PPM1A: variants seen among roughly 807,000 people sequenced by gnomAD.
PPM1A encodes protein phosphatase, Mg2+/Mn2+ dependent 1A.
Under a neutral mutation model 35.0 loss-of-function variants are expected in PPM1A, and 7 were observed. The ratio of observed to expected loss-of-function variants is 0.20; its 90% confidence interval spans 0.11 to 0.38. PPM1A has a LOEUF of 0.38. Among genes scored for constraint, PPM1A ranks in the 10% least tolerant of loss-of-function variants. The pLI, the probability that PPM1A is intolerant of heterozygous loss-of-function variation, is 1.00. For synonymous variants in PPM1A, 153 were observed against 167.3 expected (o/e 0.91, Z 0.66); for missense variants, 239 against 467.8 (o/e 0.51, Z 4.51).
chr14:60,284,722 C>CATATAT (rs752315572), intron 2 of PPM1A, among the ~76,000 whole-genome samples: 1 of 112,428 alleles, frequency 8.9e-6, no homozygotes, highest in Non-Finnish European at 1.9e-5. Context: ...TATATATATA[C>CATATAT]ATATATATAT....
At chr14:60,269,969 A>G (rs924205922) in intron 1 of PPM1A, among the ~76,000 whole-genome samples, 1 of 152,252 alleles carries the variant, frequency 6.6e-6, no homozygotes, top group Admixed American at 6.5e-5. Context: ...TTCAATCACC[A>G]AGTTCAGTCT....
At position 60,282,766 on chromosome 14, in the gene PPM1A, G is replaced by A. The variant is rs1029278100; in HGVS notation, c.63G>A (p.Gly21=). 11 of 1,614,134 alleles carry A rather than the reference G, an allele frequency of 6.8e-6. No homozygotes were observed. Among genetic ancestry groups the A allele is most frequent in the African/African-American group, 1.3e-5 (1 of 74,940 alleles). Residue 21 remains glycine (G), a synonymous_variant, in exon 2 of 6, where the codon GGG becomes GGA. Coordinates refer to ENST00000395076, the MANE Select transcript of PPM1A (RefSeq NM_021003.5). The surrounding 1 kb of genome is among the most constrained non-coding windows in gnomAD (Gnocchi z 5.1). ...ATAATGCCCAGGGGCAGGGTAATGGGTTGCGATATGGGCTAAGCAGCATGC... is the reference window on the plus strand; with the variant it reads ...ATAATGCCCAGGGGCAGGGTAATGGATTGCGATATGGGCTAAGCAGCATGC... ...EKHNAQGQGN[G]LRYGLSSMQG...
upstream of PPM1A, among the ~76,000 whole-genome samples, chr14:60,247,020 G>A (rs901311145): frequency 4.6e-5 from 7 of 152,194 alleles, no homozygotes; most frequent in Non-Finnish European, 8.8e-5. Flanking sequence ...GTCCACTACC[G>A]TCACTAGTGA....
rs1882025845 is a variant in PPM1A, at chr14:60,249,301, C to G, written c.-397C>G. ...AGAGAGCAGTGGTCTCGGCGCTCGT[C>G]CGGCCCGCAGCTTCGGGTCCTCAGG... On this transcript the variant is annotated 5_prime_UTR_variant, in exon 1 of 6. Transcript: ENST00000395076. The surrounding 1 kb of genome is among the most constrained non-coding windows in gnomAD (Gnocchi z 4.5). 1.0e-6 allele frequency: 1 copy of G among 977,828 alleles called. No homozygotes were observed. The highest frequency in any genetic ancestry group is 4.7e-5 in the South Asian group (1 of 21,482). 60.6% of individuals were successfully genotyped at this position (977,828 alleles called of 1,614,324 possible).
intron 1 of PPM1A, among the ~76,000 whole-genome samples, chr14:60,263,363 T>G (rs1883993814): frequency 6.6e-6 from 1 of 152,202 alleles, no homozygotes; most frequent in Non-Finnish European, 1.5e-5. Context: ...CTTTGTAGGT[T>G]TTTTGAAGTG....
chr14:60,288,402 G>A, intron 3 of PPM1A: 1 of 984,374 alleles, frequency 1.0e-6, no homozygotes, highest in South Asian at 4.7e-5. Context: ...GAGACTGTAT[G>A]TTAAGTGTAT....
chr14:60,287,079 CT>C (rs1391459429), intron 3 of PPM1A: 1 of 949,270 alleles, frequency 1.1e-6, no homozygotes, highest in African/African-American at 1.8e-5. Context: ...GGCACTTTAA[CT>C]TGGGCAGACA....
chr14:60,277,060 C>T (rs1297832511), intron 1 of PPM1A: 5 of 1,205,282 alleles, frequency 4.1e-6, no homozygotes, highest in Non-Finnish European at 5.3e-6. Flanking sequence ...TGATGAGACT[C>T]AGCTTGTACT....
At chr14:60,262,725 A>G (rs779090488) in intron 1 of PPM1A, among the ~76,000 whole-genome samples, 1 of 152,102 alleles carries the variant, frequency 6.6e-6, no homozygotes, top group Non-Finnish European at 1.5e-5. Flanking sequence ...ACCTCTGAAC[A>G]TGTGGGGATT....
chr14:60,281,347 T>C (rs1886390514), intron 1 of PPM1A, among the ~76,000 whole-genome samples: 1 of 152,228 alleles, frequency 6.6e-6, no homozygotes, highest in Non-Finnish European at 1.5e-5. Flanking sequence ...GCCAGTCTTT[T>C]CTGCCTATGT....
At chr14:60,264,988 G>A (rs563174590) in intron 1 of PPM1A, among the ~76,000 whole-genome samples, 2 of 152,110 alleles carry the variant, frequency 1.3e-5, no homozygotes, top group Non-Finnish European at 2.9e-5. Flanking sequence ...GTCCATCTTA[G>A]TTTAGTTTTC....
intron 3 of PPM1A, chr14:60,287,984 GA>G: frequency 1.5e-5 from 15 of 982,418 alleles, no homozygotes; most frequent in Non-Finnish European, 1.8e-5. Context: ...ATATTCTTTA[GA>G]AAAAGCGTTC....
intron 1 of PPM1A, among the ~76,000 whole-genome samples, chr14:60,281,329 G>A (rs900272561): frequency 5.9e-5 from 9 of 152,122 alleles, no homozygotes; most frequent in Non-Finnish European, 1.0e-4. Context: ...GTTTTATCAC[G>A]CCAATCAGCC....
intron 1 of PPM1A, among the ~76,000 whole-genome samples, chr14:60,255,464 C>G (rs1375811796): frequency 1.3e-5 from 2 of 152,170 alleles, no homozygotes. Context: ...AGCCACCGCG[C>G]CCGGCCTATC....
At chr14:60,274,040 GCT>G (rs1885465287) in intron 1 of PPM1A, among the ~76,000 whole-genome samples, 1 of 152,234 alleles carries the variant, frequency 6.6e-6, no homozygotes, top group Admixed American at 6.5e-5. Flanking sequence ...ATGTGAGGGT[GCT>G]CAGGGAGGCA....
At chr14:60,249,025 A>G (rs954846284), upstream of PPM1A, among the ~76,000 whole-genome samples, 2 of 152,028 alleles carry the variant, frequency 1.3e-5, no homozygotes, top group Non-Finnish European at 2.9e-5. This position sits in a 1 kb window ranked among gnomAD's most constrained non-coding sequence, Gnocchi z 4.5. Context: ...GAAGCTGGGT[A>G]AGGCAGTGAC....
intron 1 of PPM1A, among the ~76,000 whole-genome samples, chr14:60,260,148 G>A (rs934477559): frequency 1.6e-4 from 24 of 152,048 alleles, no homozygotes; most frequent in Admixed American, 6.6e-5. Flanking sequence ...TAGCGTAGAA[G>A]AGCTTTACCC....
chr14:60,260,521 T>G (rs1032249048), intron 1 of PPM1A, among the ~76,000 whole-genome samples: 5 of 152,166 alleles, frequency 3.3e-5, no homozygotes, highest in Non-Finnish European at 7.4e-5. Flanking sequence ...TAGTAATCTT[T>G]TAAAATTGCT....
In PPM1A at chr14:60,271,657, G is replaced by A. The variant is rs149685373; in HGVS notation, c.-20-11027G>A. Reference sequence around the variant, plus strand: ...GGAAATACGTGAAGGTCAAATTCAGGTTATCAGGTTATCAGTTTGTAACCT... The same window carrying A: ...GGAAATACGTGAAGGTCAAATTCAGATTATCAGGTTATCAGTTTGTAACCT... On this transcript the variant is annotated intron_variant, in intron 1 of 5. Coordinates refer to ENST00000395076, the MANE Select transcript of PPM1A (RefSeq NM_021003.5). Among the ~76,000 whole-genome samples the A allele has an allele frequency of 1.9e-3, 292 of 152,218 alleles. 1 individual carries two copies. The highest frequency in any genetic ancestry group is 3.4e-3 in the Non-Finnish European group (234 of 68,002).
Sources: allele counts gnomAD v4.1 joint callset (sites outside exome capture counted in the v4.1 genomes callset), GRCh38; gene constraint gnomAD v4.1.1; non-coding constraint Gnocchi (gnomAD v3.1); transcripts MANE v1.5; gene names NCBI Gene and HGNC (gene_info 2026-07-23, HGNC 2026-07-21).